Variants in MAMDC2 observed in about 807,000 individuals in gnomAD.
The protein encoded by MAMDC2 is MAM domain containing 2, also known as MAM domain-containing protein 2.
In MAMDC2, 57 loss-of-function variants were observed where a neutral mutation model predicts 89.8. The observed-to-expected ratio is 0.63, with a 90% CI of 0.51 to 0.79. The LOEUF (loss-of-function observed/expected upper bound fraction) is 0.79. MAMDC2 is among the 30% of genes least tolerant of loss of function. MAMDC2 has a pLI of 0.00. For synonymous variants in MAMDC2, 313 were observed against 293.4 expected (o/e 1.07, Z -0.68); for missense variants, 800 against 820.6 (o/e 0.97, Z 0.31).
At chr9:70,077,108 G>C (rs1827548981) in intron 2 of MAMDC2, among the ~76,000 whole-genome samples, 1 of 152,140 alleles carries the variant, frequency 6.6e-6, no homozygotes, top group African/African-American at 2.4e-5. Context: ...CCTGTGTTTG[G>C]GGCCTGGATT....
At chr9:70,166,272 T>TACACAC (rs551265332) in intron 9 of MAMDC2, among the ~76,000 whole-genome samples, 6,834 of 48,258 alleles carry the variant, frequency 0.14, 238 homozygotes, top group East Asian at 0.36. Flanking sequence ...AATATATATA[T>TACACAC]ATATACACAC....
intron 11 of MAMDC2, among the ~76,000 whole-genome samples, chr9:70,186,546 G>A (rs1364026277): frequency 6.6e-6 from 1 of 151,736 alleles, no homozygotes; most frequent in Non-Finnish European, 1.5e-5. Flanking sequence ...TTTTGTTTTT[G>A]TTTTTATTTT....
chr9:70,078,087 T>C (rs1209064117), intron 2 of MAMDC2, among the ~76,000 whole-genome samples: 1 of 151,854 alleles, frequency 6.6e-6, no homozygotes, highest in Non-Finnish European at 1.5e-5. Context: ...TATTAGGAAA[T>C]AGAAAAAAAA....
At chr9:70,160,640 G>A (rs960039336) in intron 9 of MAMDC2, among the ~76,000 whole-genome samples, 5 of 152,070 alleles carry the variant, frequency 3.3e-5, no homozygotes, top group Admixed American at 2.0e-4. Context: ...CATTCTTTCT[G>A]GGGGGCCTAC....
chr9:70,211,433 G>C (rs779295815), intron 11 of MAMDC2, among the ~76,000 whole-genome samples: 1 of 152,038 alleles, frequency 6.6e-6, no homozygotes, highest in African/African-American at 2.4e-5. Flanking sequence ...ACTGAAGCTT[G>C]TGCATGCATC....
chr9:70,112,579 T>A (rs3015221), intron 4 of MAMDC2, among the ~76,000 whole-genome samples: 3 of 152,050 alleles, frequency 2.0e-5, no homozygotes, highest in African/African-American at 7.3e-5. Context: ...CCTGAACAGC[T>A]CTTTGAGACA....
At chr9:70,133,911 G>T (rs917550071) in intron 7 of MAMDC2, among the ~76,000 whole-genome samples, 3 of 152,208 alleles carry the variant, frequency 2.0e-5, no homozygotes, top group African/African-American at 4.8e-5. Flanking sequence ...TGATGATTGT[G>T]TCAGCTGGAG....
At chr9:70,071,307 G>C (rs1827402796) in intron 2 of MAMDC2, among the ~76,000 whole-genome samples, 1 of 152,190 alleles carries the variant, frequency 6.6e-6, no homozygotes, top group Non-Finnish European at 1.5e-5. Context: ...TGATTGAAGA[G>C]TCTGTGCTAC....
At chr9:70,206,361 C>T (rs1170274869) in intron 11 of MAMDC2, among the ~76,000 whole-genome samples, 1 of 152,112 alleles carries the variant, frequency 6.6e-6, no homozygotes. Flanking sequence ...TATATGTGTA[C>T]AGGAACAGTC....
chr9:70,125,518 G>T (rs145889086), intron 5 of MAMDC2, among the ~76,000 whole-genome samples: 2 of 152,242 alleles, frequency 1.3e-5, no homozygotes, highest in East Asian at 3.9e-4. Context: ...CCAGCCTCTG[G>T]GTCCAGAGCC....
At chr9:70,191,203 A>C (rs1207412910) in intron 11 of MAMDC2, among the ~76,000 whole-genome samples, 1 of 152,028 alleles carries the variant, frequency 6.6e-6, no homozygotes, top group African/African-American at 2.4e-5. Flanking sequence ...ATTCTGAAAA[A>C]GTTTATTGTG....
At chr9:70,143,260 T>C (rs149088272) in intron 8 of MAMDC2, among the ~76,000 whole-genome samples, 1 of 152,358 alleles carries the variant, frequency 6.6e-6, no homozygotes, top group East Asian at 1.9e-4. Context: ...GATGACTTCA[T>C]CCTTTTTGTT....
chr9:70,063,677 T>C (rs1304524690), intron 2 of MAMDC2, among the ~76,000 whole-genome samples: 1 of 152,184 alleles, frequency 6.6e-6, no homozygotes, highest in African/African-American at 2.4e-5. Context: ...AAAGTGATAA[T>C]AGTATTATTA....
intron 2 of MAMDC2, among the ~76,000 whole-genome samples, chr9:70,106,592 C>G (rs145972535): frequency 6.6e-6 from 1 of 152,292 alleles, no homozygotes; most frequent in East Asian, 1.9e-4. Flanking sequence ...TGGAAATGCA[C>G]GTGAAGCACT....
intron 11 of MAMDC2, chr9:70,217,752 CACAA>C: frequency 9.8e-7 from 1 of 1,016,700 alleles, no homozygotes; most frequent in Non-Finnish European, 1.5e-6. Flanking sequence ...AAAAAAGTGT[CACAA>C]AAAGTTTTAG....
chr9:70,116,466 C>A (rs2029997176), intron 5 of MAMDC2, among the ~76,000 whole-genome samples: 1 of 149,272 alleles, frequency 6.7e-6, no homozygotes. Context: ...TATCAGAGTA[C>A]TTTATTACCT....
chr9:70,217,351 G>C, intron 11 of MAMDC2: 1 of 1,366,536 alleles, frequency 7.3e-7, no homozygotes, highest in South Asian at 1.2e-5. Context: ...AAACTGGACT[G>C]TCCTCCACAG....
chr9:70,191,810 C>T (rs1012368159), intron 11 of MAMDC2, among the ~76,000 whole-genome samples: 1 of 152,160 alleles, frequency 6.6e-6, no homozygotes, highest in African/African-American at 2.4e-5. Context: ...TTTGCCTCTT[C>T]AGCTGATGAG....
At chr9:70,088,449 A>G (rs1827820055) in intron 2 of MAMDC2, 1 of 152,082 alleles carries the variant, frequency 6.6e-6, no homozygotes, top group South Asian at 2.1e-4. Context: ...TGTCTGATTG[A>G]CTTTGATCAA....
Sources: gnomAD v4.1 joint callset for allele counts (sites outside exome capture counted in the v4.1 genomes callset) on GRCh38, gnomAD v4.1.1 for gene constraint, MANE v1.5 for transcripts, NCBI Gene and HGNC (gene_info 2026-07-23, HGNC 2026-07-21) for gene names.